GPHN: variants seen among roughly 807,000 people sequenced by gnomAD.
The protein encoded by GPHN is gephyrin.
Under a neutral mutation model 95.5 loss-of-function variants are expected in GPHN, and 17 were observed. The observed-to-expected ratio is 0.18, with a 90% CI of 0.12 to 0.27. GPHN has a LOEUF of 0.27. Among genes scored for constraint, GPHN ranks in the 10% least tolerant of loss-of-function variants. The pLI is 1.00. For missense variants in GPHN, 660 were observed against 978.1 expected (o/e 0.67, Z 4.34); for synonymous variants, 320 against 322.5 (o/e 0.99, Z 0.08).
At chr14:67,110,405 T>A in intron 14 of GPHN, 146 bp downstream of exon 14, 1 of 768,998 alleles carries the variant, frequency 1.3e-6, no homozygotes. Flanking sequence ...TCTTATATTG[T>A]AGTATATGAG....
At chr14:67,475,635 T>C in the GPHN span, among the ~76,000 whole-genome samples, 11,637 of 152,282 alleles carry the variant, frequency 0.076, 503 homozygotes, top group African/African-American at 0.11. Flanking sequence ...TTGTCTTTGC[T>C]CCATTAAATG....
chr14:67,229,440 T>A, the GPHN span, among the ~76,000 whole-genome samples: 840 of 152,322 alleles, frequency 5.5e-3, 10 homozygotes, highest in Non-Finnish European at 4.6e-3. Context: ...GCACCTGCAA[T>A]GTAGCTAGTG....
chr14:66,803,149 C>T (rs2060419882), intron 3 of GPHN, among the ~76,000 whole-genome samples: 1 of 152,160 alleles, frequency 6.6e-6, no homozygotes, highest in South Asian at 2.1e-4. Flanking sequence ...AGCAGTTCCC[C>T]TATGGCTAGG....
chr14:67,168,323 C>T (rs1178378670), intron 20 of GPHN, among the ~76,000 whole-genome samples: 2 of 152,166 alleles, frequency 1.3e-5, no homozygotes, highest in African/African-American at 4.8e-5. Context: ...ACCTTAATTA[C>T]CTCCTTAAAG....
intron 5 of GPHN, among the ~76,000 whole-genome samples, chr14:66,887,237 T>G (rs1361830454): frequency 6.6e-6 from 1 of 152,062 alleles, no homozygotes; most frequent in South Asian, 2.1e-4. Flanking sequence ...TCTTCTCCCA[T>G]GTAACAGGGG....
intron 2 of GPHN, among the ~76,000 whole-genome samples, chr14:66,727,290 G>A (rs147302619): frequency 6.6e-6 from 1 of 152,298 alleles, no homozygotes; most frequent in African/African-American, 2.4e-5. Context: ...CCAGTCTCAG[G>A]TATGTCTTTA....
the GPHN span, among the ~76,000 whole-genome samples, chr14:67,498,808 G>A: frequency 6.6e-6 from 1 of 151,934 alleles, no homozygotes; most frequent in Non-Finnish European, 1.5e-5. Flanking sequence ...TGAGATTATA[G>A]GTGCACACCA....
At chr14:67,674,690 C>G in the GPHN span, 1 of 461,774 alleles carries the variant, frequency 2.2e-6, no homozygotes, top group Non-Finnish European at 3.8e-6. Flanking sequence ...TGCTGGAGCG[C>G]CGGCGCGAAA....
chr14:67,429,633 G>A, the GPHN span, among the ~76,000 whole-genome samples: 11 of 152,028 alleles, frequency 7.2e-5, no homozygotes, highest in Non-Finnish European at 1.6e-4. Flanking sequence ...CTACTCAGGA[G>A]GCTGAGGCAG....
chr14:67,036,501 G>GCACACACACACACA (rs762967467), intron 10 of GPHN, among the ~76,000 whole-genome samples: 4,167 of 118,062 alleles, frequency 0.035, 256 homozygotes, highest in African/African-American at 0.089. Flanking sequence ...ATACATACAT[G>GCACACACACACACA]CACACACACA....
At chr14:67,342,216 AATAAAAT>A in the GPHN span, among the ~76,000 whole-genome samples, 112 of 111,714 alleles carry the variant, frequency 1.0e-3, 1 homozygote, top group East Asian at 6.3e-3. Context: ...AAATAAATAA[AATAAAAT>A]AAAAAAAAAC....
the GPHN span, among the ~76,000 whole-genome samples, chr14:67,283,056 A>G: frequency 6.6e-6 from 1 of 152,084 alleles, no homozygotes; most frequent in African/African-American, 2.4e-5. Context: ...GGGAACATAC[A>G]CACCCATATA....
At chr14:67,663,099 C>G in the GPHN span, 1 of 1,507,528 alleles carries the variant, frequency 6.6e-7, no homozygotes, top group Non-Finnish European at 8.8e-7. Flanking sequence ...ATGACTTGAA[C>G]GATGAGAACG....
chr14:67,120,363 C>T lies in GPHN; in HGVS notation c.1627-1893C>T, dbSNP rs541183902. On this transcript the variant is annotated intron_variant, in intron 16 of 22. Coordinates refer to ENST00000478722, the MANE Select transcript of GPHN (RefSeq NM_020806.5). ...GTGAGTTTATTCTAGTATATTTAGC[C>T]TTATACTCTTCCATTTAATTCTGTA... 3.3e-5 allele frequency among the ~76,000 whole-genome samples: 5 copies of T among 152,184 alleles called. No homozygotes were observed. The South Asian group carries it at 8.3e-4, about 25-fold the overall frequency.
chr14:66,547,778 G>C (rs1207706746), intron 1 of GPHN, among the ~76,000 whole-genome samples: 1 of 152,086 alleles, frequency 6.6e-6, no homozygotes, highest in East Asian at 1.9e-4. Flanking sequence ...ATTTATGCTG[G>C]GTTCATGTAC....
chr14:67,104,378 G>C (rs1217355606), intron 13 of GPHN, among the ~76,000 whole-genome samples: 1 of 152,184 alleles, frequency 6.6e-6, no homozygotes, highest in Non-Finnish European at 1.5e-5. Flanking sequence ...CTCATAGATT[G>C]AGTTTGGAAG....
chr14:66,637,406 A>G (rs1191391167), intron 1 of GPHN, among the ~76,000 whole-genome samples: 1 of 152,160 alleles, frequency 6.6e-6, no homozygotes, highest in Non-Finnish European at 1.5e-5. Context: ...TCTTAAGAAG[A>G]TAAGATTAAA....
intron 1 of GPHN, among the ~76,000 whole-genome samples, chr14:66,555,153 C>T (rs776652427): frequency 3.9e-5 from 6 of 151,970 alleles, no homozygotes; most frequent in Non-Finnish European, 5.9e-5. Context: ...AAGTACTTAA[C>T]GTTTATTGTG....
chr14:66,518,210 C>CT (rs2058331933), intron 1 of GPHN, among the ~76,000 whole-genome samples: 1 of 151,744 alleles, frequency 6.6e-6, no homozygotes, highest in Admixed American at 6.6e-5. Flanking sequence ...AGAAGACATA[C>CT]AAATGGCCAA....
Sources: gnomAD v4.1 joint callset for allele counts (sites outside exome capture counted in the v4.1 genomes callset) on GRCh38, gnomAD v4.1.1 for gene constraint, MANE v1.5 for transcripts, NCBI Gene and HGNC (gene_info 2026-07-23, HGNC 2026-07-21) for gene names.